RREB1: variants seen among roughly 807,000 people sequenced by gnomAD.
RREB1 encodes the protein ras-responsive element-binding protein 1.
In RREB1, 27 loss-of-function variants were observed where a neutral mutation model predicts 117.8. The observed-to-expected ratio is 0.23, with a 90% confidence interval of 0.17 to 0.32. The LOEUF (loss-of-function observed/expected upper bound fraction) is 0.32, where lower values mean the gene tolerates loss of function less well. RREB1 is among the 10% of genes least tolerant of loss of function. The pLI is 1.00. For missense variants in RREB1, 2,577 were observed against 2,378.2 expected, an observed-to-expected ratio of 1.08 and a Z score of -1.74; for synonymous variants, 1,298 against 1,026.7, an observed-to-expected ratio of 1.26 and a Z score of -5.05.
At chr6:7,156,975 C>T (rs1763397262) in intron 1 of RREB1, among the ~76,000 whole-genome samples, 1 of 152,154 alleles carries the variant, frequency 6.6e-6, no homozygotes, top group Admixed American at 6.5e-5. Context: ...GCTTCGTCGT[C>T]CCTGGCTGTT....
intron 1 of RREB1, among the ~76,000 whole-genome samples, chr6:7,141,483 C>CT (rs960142058): frequency 6.6e-6 from 1 of 152,152 alleles, no homozygotes; most frequent in Non-Finnish European, 1.5e-5. Flanking sequence ...GCCCCCCCGC[C>CT]TTTTTTGGCT....
Position 7,205,813 on chromosome 6 carries a change from A to G in RREB1, c.426-4991A>G, listed in dbSNP as rs77021818. 4.1e-3 allele frequency among the ~76,000 whole-genome samples: 618 copies of G among 152,288 alleles called. 4 individuals carry two copies. Among genetic ancestry groups the G allele is most frequent in the African/African-American group, 0.014 (581 of 41,554 alleles). On this transcript the variant is annotated intron_variant, in intron 6 of 12. Coordinates refer to ENST00000379938, the MANE Select transcript of RREB1 (RefSeq NM_001003699.4). ...CAGACAACCTACCCTGCTAAAATGGACCATCTCAAATTTTAGAAAGCAAAT... is the reference window on the plus strand; with the variant it reads ...CAGACAACCTACCCTGCTAAAATGGGCCATCTCAAATTTTAGAAAGCAAAT...
chr6:7,152,442 A>T (rs921893860), intron 1 of RREB1, among the ~76,000 whole-genome samples: 1 of 152,250 alleles, frequency 6.6e-6, no homozygotes, highest in Non-Finnish European at 1.5e-5. Flanking sequence ...ACTCACCAAA[A>T]AACCCAACAG....
chr6:7,230,314 A>G lies in RREB1; in HGVS notation c.2215A>G (p.Ser739Gly), dbSNP rs1767849003. 2.5e-6 allele frequency: 4 copies of G among 1,590,004 alleles called. No homozygotes were observed. The highest frequency in any genetic ancestry group is 2.2e-5 in the East Asian group (1 of 44,680). The change falls in exon 10 of 13, where the codon AGC becomes GGC. Residue 739 changes from serine to glycine, a missense_variant. Transcript: ENST00000379938. ...DIEKNIEYVS[S>G]SAAELVDAFC... is the part of the protein sequence containing the mutation. ...CGAGAAGAACATCGAGTATGTGAGT[A>G]GCAGCGCGGCCGAGCTGGTGGACGC...
chr6:7,242,832 T>TC (rs1430221901), intron 11 of RREB1, among the ~76,000 whole-genome samples: 3 of 151,770 alleles, frequency 2.0e-5, no homozygotes, highest in Admixed American at 2.0e-4. Flanking sequence ...TCTCATAAAG[T>TC]CCCCCAAAAG....
chr6:7,246,979 C>G lies in RREB1; in HGVS notation c.4529C>G (p.Ser1510Trp), dbSNP rs201088383. 6.3e-7 allele frequency: 1 copy of G among 1,581,762 alleles called. No homozygotes were observed. The highest frequency in any genetic ancestry group is 8.6e-7 in the Non-Finnish European group (1 of 1,165,050). ...PPETPAEVVE[S>W]APGAGEAPAE... is the part of the protein sequence containing the mutation. ...GAGACCCCGGCAGAGGTGGTGGAGTCGGCCCCGGGTGCCGGGGAGGCCCCG... is the reference window on the plus strand; with the variant it reads ...GAGACCCCGGCAGAGGTGGTGGAGTGGGCCCCGGGTGCCGGGGAGGCCCCG... The change falls in exon 12 of 13, where the codon TCG becomes TGG. Residue 1510 changes from serine (S) to tryptophan (W), a missense_variant. By Grantham distance (177) the Ser-to-Trp change is radical (BLOSUM62 -3). Coordinates refer to ENST00000379938, the MANE Select transcript of RREB1 (RefSeq NM_001003699.4).
chr6:7,125,134 T>C (rs1386804224), intron 1 of RREB1, among the ~76,000 whole-genome samples: 1 of 152,216 alleles, frequency 6.6e-6, no homozygotes, highest in Non-Finnish European at 1.5e-5. Flanking sequence ...AGAAGGGAGA[T>C]TCAGTGTTTT....
Position 7,230,417 on chromosome 6 carries a change from G to A in RREB1, c.2318G>A (p.Arg773His), listed in dbSNP as rs1457979297. ...TATCGTGCCCTGCGCATCCACATGC[G>A]CACGCACTGCGGCCGCGGCCTGGGC... ...KHYRALRIHM[R>H]THCGRGLGGG... Residue 773 changes from arginine to histidine, a missense_variant, in exon 10 of 13, where the codon CGC becomes CAC. Physicochemically the swap from Arg to His is conservative, Grantham distance 29. Coordinates refer to ENST00000379938, the MANE Select transcript of RREB1 (RefSeq NM_001003699.4). 3.1e-6 allele frequency: 5 copies of A among 1,591,426 alleles called. No homozygotes were observed. Among genetic ancestry groups the A allele is most frequent in the African/African-American group, 2.7e-5 (2 of 74,714 alleles).
At chr6:7,188,549 C>G (rs1017592738) in intron 5 of RREB1, among the ~76,000 whole-genome samples, 1 of 141,142 alleles carries the variant, frequency 7.1e-6, no homozygotes, top group African/African-American at 2.5e-5. Flanking sequence ...ATTTACCCTT[C>G]TTCTCCTGCT....
intron 8 of RREB1, chr6:7,213,831 C>T (rs899995352): frequency 1.6e-4 from 24 of 152,222 alleles, no homozygotes; most frequent in African/African-American, 5.1e-4. Flanking sequence ...CATCTCACTT[C>T]ATATTTTATT....
rs374065889 is a variant in RREB1 at position 7,181,895 on chromosome 6, C to T, written c.-17C>T. ...TTTTATAGCAGAGGCTTCTTAGAAG[C>T]TTAAACCCCTGTCCCAATGACGTCA... On this transcript the variant is annotated 5_prime_UTR_variant, in exon 4 of 13. Coordinates refer to ENST00000379938, the MANE Select transcript of RREB1 (RefSeq NM_001003699.4). The T allele has an allele frequency of 3.7e-5, 59 of 1,614,104 alleles. 1 individual carries two copies. In the Middle Eastern group the frequency reaches 4.9e-4, roughly 14 times the overall value.
At chr6:7,151,136 ATTGT>A (rs1231235138) in intron 1 of RREB1, among the ~76,000 whole-genome samples, 2 of 152,176 alleles carry the variant, frequency 1.3e-5, no homozygotes, top group African/African-American at 2.4e-5. Flanking sequence ...TGGGTGGTTC[ATTGT>A]TTGTTTTAAA....
intron 6 of RREB1, among the ~76,000 whole-genome samples, chr6:7,191,872 T>C (rs897222587): frequency 1.1e-4 from 16 of 152,180 alleles, no homozygotes; most frequent in South Asian, 2.1e-4. Context: ...ATGTCTGTTA[T>C]TCATTTTCTC....
chr6:7,200,875 G>T (rs1304301227), intron 6 of RREB1, among the ~76,000 whole-genome samples: 1 of 152,318 alleles, frequency 6.6e-6, no homozygotes, highest in Admixed American at 6.5e-5. Context: ...CAGAGTTGTT[G>T]TCAGTTTGTG....
At chr6:7,238,409 G>T (rs1311945265) in intron 10 of RREB1, among the ~76,000 whole-genome samples, 2 of 152,090 alleles carry the variant, frequency 1.3e-5, no homozygotes, top group African/African-American at 4.8e-5. Flanking sequence ...GCTAATTTTT[G>T]TATTTTTAGT....
At chr6:7,178,661 G>A (rs948418064) in intron 2 of RREB1, among the ~76,000 whole-genome samples, 2 of 152,202 alleles carry the variant, frequency 1.3e-5, no homozygotes, top group African/African-American at 4.8e-5. Context: ...CAGGGATGAG[G>A]CCAGTGACTC....
chr6:7,114,201 AACCTCC>A (rs1761276182), intron 1 of RREB1, among the ~76,000 whole-genome samples: 1 of 152,180 alleles, frequency 6.6e-6, no homozygotes, highest in Admixed American at 6.5e-5. Context: ...GCCTGTCTGC[AACCTCC>A]ACCTCCAGGG....
At chr6:7,127,921 A>G (rs1377021596) in intron 1 of RREB1, among the ~76,000 whole-genome samples, 1 of 152,098 alleles carries the variant, frequency 6.6e-6, no homozygotes, top group Non-Finnish European at 1.5e-5. Context: ...ACAAAGGAGC[A>G]TCATGTGCCC....
chr6:7,230,638 G>A lies in RREB1; in HGVS notation c.2539G>A (p.Asp847Asn). 1.9e-6 allele frequency: 3 copies of A among 1,603,248 alleles called. No homozygotes were observed. Among genetic ancestry groups the A allele is most frequent in the East Asian group, 2.2e-5 (1 of 44,678 alleles). Residue 847 changes from aspartate to asparagine, a missense_variant, in exon 10 of 13, where the codon GAC becomes AAC. Asp to Asn is a conservative substitution (Grantham distance 23). Transcript: ENST00000379938. ...CGCTGAGGCGTCGGGGCGCGGGGAG[G>A]ACAGTGGCTGCGCTGCCCTTGGTGA... Reference protein sequence around the residue: ...PAAEASGRGEDSGCAALGDCK... With the variant: ...PAAEASGRGENSGCAALGDCK...
Sources: gnomAD v4.1 joint callset for allele counts (sites outside exome capture counted in the v4.1 genomes callset) on GRCh38, gnomAD v4.1.1 for gene constraint, MANE v1.5 for transcripts, NCBI Gene and HGNC (gene_info 2026-07-23, HGNC 2026-07-21) for gene names.